Variants in ZNF589 observed in about 807,000 individuals in gnomAD.
ZNF589 encodes KRAB-zinc finger protein SZF1-1.
A neutral mutation model predicts 13.6 loss-of-function variants in ZNF589; 17 were observed. The observed-to-expected ratio is 1.25, with a 90% CI of 0.86 to 1.88. ZNF589 has a LOEUF of 1.88. ZNF589 is among the 40% of genes most tolerant of loss of function. ZNF589 has a pLI of 0.00. For missense variants in ZNF589, 407 were observed against 434.0 expected, an observed-to-expected ratio of 0.94 and a Z score of 0.55; for synonymous variants, 148 against 161.6, an observed-to-expected ratio of 0.92 and a Z score of 0.64.
intron 2 of ZNF589, chr3:48,257,956 C>G (rs974811013): frequency 1.8e-5 from 8 of 449,184 alleles, no homozygotes; most frequent in Non-Finnish European, 3.5e-5. Flanking sequence ...TTGTGGTGAT[C>G]AAATAGTAAG....
At chr3:48,241,595 G>C (rs1345806314) in intron 1 of ZNF589, among the ~76,000 whole-genome samples, 2 of 152,168 alleles carry the variant, frequency 1.3e-5, no homozygotes, top group African/African-American at 4.8e-5. Flanking sequence ...GCAGTGGCGC[G>C]ATCTCCGTTC....
chr3:48,245,681 C>T (rs960851289), intron 1 of ZNF589, among the ~76,000 whole-genome samples: 5 of 152,214 alleles, frequency 3.3e-5, no homozygotes, highest in African/African-American at 1.2e-4. Flanking sequence ...GGCGCGGTGG[C>T]TCACGCCTGT....
intron 2 of ZNF589, among the ~76,000 whole-genome samples, chr3:48,251,920 T>G (rs187285215): frequency 5.3e-5 from 8 of 151,962 alleles, no homozygotes; most frequent in Non-Finnish European, 8.8e-5. Context: ...TCACCTGTAG[T>G]CCCAGCTATG....
chr3:48,267,899 A>G lies in ZNF589; in HGVS notation c.224-16A>G. ...CCTTCCTATGACTCTTCTGACTGGA[A>G]ACTTTCTTTCTTCAGCAGAATCAAA... On this transcript the variant is annotated splice_polypyrimidine_tract_variant and intron_variant, in intron 3 of 3. Coordinates refer to ENST00000354698, the MANE Select transcript of ZNF589 (RefSeq NM_016089.3). 6.3e-7 allele frequency: 1 copy of G among 1,591,006 alleles called. No individual in the cohort carries two copies. Among genetic ancestry groups the G allele is most frequent in the Non-Finnish European group, 8.5e-7 (1 of 1,172,478 alleles).
At chr3:48,252,617 CTTTTTTTTTTT>C (rs71625863) in intron 2 of ZNF589, among the ~76,000 whole-genome samples, 6 of 97,304 alleles carry the variant, frequency 6.2e-5, no homozygotes, top group East Asian at 5.7e-4. Context: ...AGAATAATAT[CTTTTTTTTTTT>C]TTTTTTTTTT....
At chr3:48,260,976 A>C in intron 3 of ZNF589, 37 bp downstream of exon 3, 1 of 1,610,586 alleles carries the variant, frequency 6.2e-7, no homozygotes, top group South Asian at 1.1e-5. Flanking sequence ...TTTCCATTCA[A>C]GTATTTACTG....
chr3:48,254,705 A>G (rs1479275430), intron 2 of ZNF589, among the ~76,000 whole-genome samples: 1 of 152,138 alleles, frequency 6.6e-6, no homozygotes, highest in East Asian at 1.9e-4. Flanking sequence ...GAACCTAAGT[A>G]TTTAATTTTT....
chr3:48,268,359 C>T lies in ZNF589; in HGVS notation c.668C>T (p.Ala223Val), dbSNP rs1274481017. 1 of 1,614,180 alleles carries T rather than the reference C, an allele frequency of 6.2e-7. No homozygotes were observed. Among genetic ancestry groups the T allele is most frequent in the Admixed American group, 1.7e-5 (1 of 60,014 alleles). The change falls in exon 4 of 4, where the codon GCT becomes GTT. Residue 223 changes from alanine (A) to valine (V), a missense_variant. By Grantham distance (64) the Ala-to-Val change is moderately conservative. Transcript: ENST00000354698. Reference sequence around the variant, plus strand: ...GTCACGTTTGGGGAGTGTGCACTAGCTTTTAACCAGAAGTCAAACCTGTTC... The same window carrying T: ...GTCACGTTTGGGGAGTGTGCACTAGTTTTTAACCAGAAGTCAAACCTGTTC... ...GAVTFGECAL[A>V]FNQKSNLFRQ...
chr3:48,268,893 C>G lies in ZNF589; in HGVS notation c.*107C>G. 6.9e-7 allele frequency: 1 copy of G among 1,441,028 alleles called. No homozygotes were observed. Among genetic ancestry groups the G allele is most frequent in the Admixed American group, 2.1e-5 (1 of 47,448 alleles). The allele number at this position is 1,441,028 out of a possible 1,614,324, so 89.3% of individuals were successfully genotyped here. A position where few individuals can be genotyped will look rare whatever the true frequency, so the allele number is the denominator to read the frequency against. Reference sequence around the variant, plus strand: ...TGTGGGCGAGGCTTTCGTGCTAAATCAACTCTCCTCCTACACCAGTGGACA... The same window carrying G: ...TGTGGGCGAGGCTTTCGTGCTAAATGAACTCTCCTCCTACACCAGTGGACA... On this transcript the variant is annotated 3_prime_UTR_variant, in exon 4 of 4. Transcript: ENST00000354698.
In ZNF589 at chr3:48,268,802, A is replaced by G. The variant is rs751427868; in HGVS notation, c.*16A>G. On this transcript the variant is annotated 3_prime_UTR_variant, in exon 4 of 4. Transcript: ENST00000354698. ...CAGAGATTGAGGCCGAGGCTTTGTAAGGAGATCATGTCTCAACACACACCA... is the reference window on the plus strand; with the variant it reads ...CAGAGATTGAGGCCGAGGCTTTGTAGGGAGATCATGTCTCAACACACACCA... The G allele has an allele frequency of 2.5e-6, 4 of 1,600,004 alleles. No homozygotes were observed. In the South Asian group the frequency reaches 4.5e-5, roughly 18 times the overall value.
intron 2 of ZNF589, among the ~76,000 whole-genome samples, chr3:48,257,649 G>T (rs1443908193): frequency 2.0e-5 from 3 of 151,954 alleles, no homozygotes; most frequent in Non-Finnish European, 4.4e-5. Flanking sequence ...CAAGCACTAG[G>T]TCCCAATATA....
intron 2 of ZNF589, among the ~76,000 whole-genome samples, chr3:48,258,152 A>G (rs1398988832): frequency 6.6e-6 from 1 of 152,180 alleles, no homozygotes; most frequent in Non-Finnish European, 1.5e-5. Context: ...CTTCCAACCC[A>G]TGAACGTGCT....
rs7643198 is a variant in ZNF589, at chr3:48,269,527, C to G, written c.*741C>G. The G allele has an allele frequency of 0.022, 7,858 of 362,410 alleles. 543 individuals carry two copies. Among genetic ancestry groups the G allele is most frequent in the African/African-American group, 0.15 (6,972 of 47,164 alleles). 22.4% of individuals were successfully genotyped at this position (362,410 alleles called of 1,614,324 possible). On this transcript the variant is annotated 3_prime_UTR_variant, in exon 4 of 4. Transcript: ENST00000354698. ...GGACACACACAGGAGAGAAACCTTA[C>G]GCATGCATCGAGTGTGGGCGAAACT...
At chr3:48,251,814 AG>A (rs1296758715) in intron 2 of ZNF589, among the ~76,000 whole-genome samples, 1 of 151,810 alleles carries the variant, frequency 6.6e-6, no homozygotes, top group Non-Finnish European at 1.5e-5. Context: ...AGGTCAAGGC[AG>A]GTGGATCGCT....
At chr3:48,258,060 A>G (rs1208873640) in intron 2 of ZNF589, 1 of 314,148 alleles carries the variant, frequency 3.2e-6, no homozygotes, top group Non-Finnish European at 6.1e-6. Context: ...ATCTACAAAA[A>G]AATCTGGTTG....
rs1344065020 is a variant in ZNF589, at chr3:48,269,856, C to G, written c.*1070C>G. 2 of 365,094 alleles carry G rather than the reference C, an allele frequency of 5.5e-6. No individual in the cohort carries two copies. The highest frequency in any genetic ancestry group is 1.1e-5 in the Non-Finnish European group (2 of 186,794). 22.6% of individuals were successfully genotyped at this position (365,094 alleles called of 1,614,324 possible). On this transcript the variant is annotated 3_prime_UTR_variant, in exon 4 of 4. Coordinates refer to ENST00000354698, the MANE Select transcript of ZNF589 (RefSeq NM_016089.3). ...AGAGGACACACTCGGGAGAAACCTT[C>G]ATGGAGTGAGAGTAAGGTGTTGGCT...
At chr3:48,247,416 G>C (rs908011565) in intron 1 of ZNF589, among the ~76,000 whole-genome samples, 1 of 152,030 alleles carries the variant, frequency 6.6e-6, no homozygotes, top group Non-Finnish European at 1.5e-5. Flanking sequence ...ATTTAATTAA[G>C]ATCAGTGTTT....
chr3:48,247,465 G>T (rs2033781569), intron 1 of ZNF589, among the ~76,000 whole-genome samples, 160 bp from the exon 2 acceptor site: 2 of 152,024 alleles, frequency 1.3e-5, no homozygotes, highest in Admixed American at 1.3e-4. Context: ...AGAGCATAGA[G>T]AAGTTGACTC....
intron 2 of ZNF589, among the ~76,000 whole-genome samples, chr3:48,258,719 C>A (rs1219666804): frequency 1.3e-5 from 2 of 152,128 alleles, no homozygotes; most frequent in Non-Finnish European, 2.9e-5. Context: ...CATTATCAAG[C>A]CCATTTTATA....
Sources: allele counts gnomAD v4.1 joint callset (sites outside exome capture counted in the v4.1 genomes callset), GRCh38; gene constraint gnomAD v4.1.1; transcripts MANE v1.5; gene names NCBI Gene and HGNC (gene_info 2026-07-23, HGNC 2026-07-21).